RABGAP1L: variants seen among roughly 807,000 people sequenced by gnomAD.
RABGAP1L encodes the protein RAB GTPase activating protein 1 like, also known as rab GTPase-activating protein 1-like.
In RABGAP1L, 63 loss-of-function variants were observed where a neutral mutation model predicts 137.7. The ratio of observed to expected loss-of-function variants is 0.46; its 90% confidence interval spans 0.37 to 0.56. RABGAP1L has a LOEUF of 0.56. Ranked by LOEUF, RABGAP1L falls within the 20% of genes least tolerant of loss-of-function variation. The pLI, the probability that RABGAP1L is intolerant of heterozygous loss-of-function variation, is 0.00. For synonymous variants in RABGAP1L, 431 were observed against 433.7 expected (o/e 0.99, Z 0.08); for missense variants, 1,095 against 1,244.0 (o/e 0.88, Z 1.80).
At chr1:174,794,338 T>C (rs1401196266) in intron 18 of RABGAP1L, among the ~76,000 whole-genome samples, 1 of 152,238 alleles carries the variant, frequency 6.6e-6, no homozygotes, top group Non-Finnish European at 1.5e-5. Context: ...AAGTTCTTTT[T>C]GTCTTTCTAA....
chr1:174,675,521 G>A (rs61826955), intron 14 of RABGAP1L, among the ~76,000 whole-genome samples: 134 of 151,544 alleles, frequency 8.8e-4, no homozygotes, highest in South Asian at 7.1e-3. Context: ...GTCAGGTAGC[G>A]TGATGCCTCC....
At chr1:174,351,524 A>C (rs530940032) in intron 11 of RABGAP1L, among the ~76,000 whole-genome samples, 2 of 152,278 alleles carry the variant, frequency 1.3e-5, no homozygotes, top group South Asian at 2.1e-4. Flanking sequence ...TTCCACTGAG[A>C]AGTCTGCTTG....
intron 13 of RABGAP1L, among the ~76,000 whole-genome samples, chr1:174,559,271 C>A (rs1213046440): frequency 6.6e-6 from 1 of 152,068 alleles, no homozygotes; most frequent in Admixed American, 6.6e-5. Context: ...ATAAAAATTT[C>A]AACTTTGGTC....
In RABGAP1L at chr1:174,448,581, G is replaced by A. The variant is rs1192778697; in HGVS notation, c.1710+54436G>A. The A allele has an allele frequency of 3.1e-6, 5 of 1,613,714 alleles. No homozygotes were observed. Among genetic ancestry groups the A allele is most frequent in the Non-Finnish European group, 4.2e-6 (5 of 1,179,854 alleles). On this transcript the variant is annotated intron_variant, in intron 13 of 25. Transcript: ENST00000681986. This position sits in a 1 kb window ranked among gnomAD's most constrained non-coding sequence, Gnocchi z 4.2. Reference sequence around the variant, plus strand: ...TACAATCAACTGGTCACCCCTTGTCGCTTGAGAATTTGCATTATTTTGATC... The same window carrying A: ...TACAATCAACTGGTCACCCCTTGTCACTTGAGAATTTGCATTATTTTGATC...
chr1:174,207,830 C>T (rs1382374240), intron 1 of RABGAP1L, among the ~76,000 whole-genome samples: 4 of 152,042 alleles, frequency 2.6e-5, no homozygotes, highest in African/African-American at 9.7e-5. Flanking sequence ...AATTTTGGTA[C>T]TTTGTGTCTT....
intron 13 of RABGAP1L, among the ~76,000 whole-genome samples, chr1:174,432,790 C>T (rs1652799643): frequency 6.6e-6 from 1 of 152,166 alleles, no homozygotes; most frequent in Non-Finnish European, 1.5e-5. Context: ...CCTGCCTCGG[C>T]CTCTGAAAGT....
intron 13 of RABGAP1L, among the ~76,000 whole-genome samples, chr1:174,404,999 C>G (rs1416854433): frequency 6.6e-6 from 1 of 152,160 alleles, no homozygotes; most frequent in African/African-American, 2.4e-5. Context: ...AGAGTAAAGC[C>G]TGTCTTCTTT....
At chr1:174,726,318 TC>T (rs757762417) in intron 17 of RABGAP1L, among the ~76,000 whole-genome samples, 1 of 152,140 alleles carries the variant, frequency 6.6e-6, no homozygotes. Flanking sequence ...TATTGCCCAG[TC>T]CAGTCTCAAA....
chr1:174,348,953 C>T (rs1210271294), intron 11 of RABGAP1L, among the ~76,000 whole-genome samples: 8 of 152,252 alleles, frequency 5.3e-5, no homozygotes, highest in South Asian at 4.1e-4. Context: ...CATCCTGGCC[C>T]GTTCTCAATG....
At chr1:174,481,181 G>C (rs1461183540) in intron 13 of RABGAP1L, among the ~76,000 whole-genome samples, 2 of 152,154 alleles carry the variant, frequency 1.3e-5, no homozygotes. Flanking sequence ...CGAAACAGCT[G>C]CTGTCTAGCT....
At chr1:174,952,472 C>T (rs1039801924) in intron 19 of RABGAP1L, among the ~76,000 whole-genome samples, 3 of 151,516 alleles carry the variant, frequency 2.0e-5, no homozygotes, top group Non-Finnish European at 4.4e-5. Context: ...GATTGCGCCA[C>T]TGCACTCCAG....
intron 7 of RABGAP1L, among the ~76,000 whole-genome samples, chr1:174,254,799 C>T (rs1425592981): frequency 2.0e-5 from 3 of 152,108 alleles, no homozygotes; most frequent in South Asian, 2.1e-4. Flanking sequence ...AGTAAACATA[C>T]GTGTACATGG....
chr1:174,211,948 A>G (rs1298933273), intron 1 of RABGAP1L, among the ~76,000 whole-genome samples: 1 of 152,148 alleles, frequency 6.6e-6, no homozygotes, highest in Non-Finnish European at 1.5e-5. Flanking sequence ...GTACATATAT[A>G]TGCACCTAAC....
At chr1:174,252,451 G>T (rs1229349368) in intron 6 of RABGAP1L, 29 bp from the exon 7 acceptor site, 1 of 1,591,528 alleles carries the variant, frequency 6.3e-7, no homozygotes, top group Non-Finnish European at 8.5e-7. Context: ...TAGATTATTG[G>T]TAATTCCTAT....
chr1:174,616,146 G>A (rs1671833715), intron 13 of RABGAP1L, among the ~76,000 whole-genome samples: 2 of 152,198 alleles, frequency 1.3e-5, no homozygotes, highest in Admixed American at 1.3e-4. Flanking sequence ...AGATGGAAAT[G>A]CAGAAATCAC....
At chr1:174,536,527 C>CT (rs1323906437) in intron 13 of RABGAP1L, among the ~76,000 whole-genome samples, 2 of 151,886 alleles carry the variant, frequency 1.3e-5, no homozygotes, top group African/African-American at 4.8e-5. Context: ...AAGAATTATG[C>CT]TTTTTTTCCT....
chr1:174,216,850 T>C (rs778492080), intron 1 of RABGAP1L, among the ~76,000 whole-genome samples: 1 of 152,152 alleles, frequency 6.6e-6, no homozygotes, highest in Non-Finnish European at 1.5e-5. Flanking sequence ...GTTTGAATTT[T>C]ATTTAAATTT....
At chr1:174,717,120 G>C (rs1329164237) in intron 17 of RABGAP1L, among the ~76,000 whole-genome samples, 1 of 152,096 alleles carries the variant, frequency 6.6e-6, no homozygotes, top group Non-Finnish European at 1.5e-5. Context: ...ATTAACATAT[G>C]AATTTTAGGC....
At chr1:174,632,225 A>T in intron 13 of RABGAP1L, among the ~76,000 whole-genome samples, 1 of 137,054 alleles carries the variant, frequency 7.3e-6, no homozygotes, top group East Asian at 2.1e-4. Flanking sequence ...ATTGGCCCCC[A>T]CTCTCTTCTG....
Sources: allele counts gnomAD v4.1 joint callset (sites outside exome capture counted in the v4.1 genomes callset), GRCh38; gene constraint gnomAD v4.1.1; non-coding constraint Gnocchi (gnomAD v3.1); transcripts MANE v1.5; gene names NCBI Gene and HGNC (gene_info 2026-07-23, HGNC 2026-07-21).